The following MAST4 variants were observed in gnomAD, a reference collection of about 807,000 sequenced individuals.
MAST4 encodes microtubule associated serine/threonine kinase family member 4.
MAST4 carries 89 observed loss-of-function variants against 162.7 expected under a neutral mutation model. The ratio of observed to expected loss-of-function variants is 0.55; its 90% CI spans 0.46 to 0.65. The LOEUF (loss-of-function observed/expected upper bound fraction) is 0.65, where lower values mean the gene tolerates loss of function less well. Among genes scored for constraint, MAST4 ranks in the 30% least tolerant of loss-of-function variants. The pLI is 0.00. For synonymous variants in MAST4, 1,479 were observed against 1,361.1 expected, an observed-to-expected ratio of 1.09 and a Z score of -1.91; for missense variants, 3,153 against 3,374.0, an observed-to-expected ratio of 0.93 and a Z score of 1.62.
intron 3 of MAST4, among the ~76,000 whole-genome samples, chr5:66,813,227 G>T (rs948668755): frequency 7.2e-5 from 11 of 152,190 alleles, no homozygotes; most frequent in Admixed American, 7.2e-4. Flanking sequence ...TGAAAAAATT[G>T]TGTTTGGGAT....
At chr5:66,656,813 A>G (rs1746580356) in intron 1 of MAST4, among the ~76,000 whole-genome samples, 1 of 152,224 alleles carries the variant, frequency 6.6e-6, no homozygotes, top group Admixed American at 6.5e-5. Flanking sequence ...TTTATAAATT[A>G]CTAAGTGAAA....
rs749371280 is a variant in MAST4 at position 67,095,618 on chromosome 5, G to A, written c.855G>A (p.Ser285=). The A allele has an allele frequency of 6.0e-5, 97 of 1,609,128 alleles. No homozygotes were observed. The highest frequency in any genetic ancestry group is 7.8e-5 in the Non-Finnish European group (92 of 1,177,388). The change falls in exon 7 of 29, where the codon TCG becomes TCA. Residue 285 remains serine, a synonymous_variant. Transcript: ENST00000403625. ...ATAGGACTGATGGACGCCGCTGGTCGTTGGCTTCTCTCCCTTCCTCTGGCT... is the reference window on the plus strand; with the variant it reads ...ATAGGACTGATGGACGCCGCTGGTCATTGGCTTCTCTCCCTTCCTCTGGCT... ...FARRTDGRRW[S]LASLPSSGYG...
intron 24 of MAST4, among the ~76,000 whole-genome samples, chr5:67,151,821 G>A (rs1338947380): frequency 7.3e-6 from 1 of 137,814 alleles, no homozygotes; most frequent in African/African-American, 2.8e-5. Flanking sequence ...AGGCTGGAGT[G>A]CCATGGCACA....
chr5:67,074,683 C>A (rs74910827), intron 5 of MAST4, among the ~76,000 whole-genome samples: 4,734 of 152,138 alleles, frequency 0.031, 158 homozygotes, highest in East Asian at 0.17. Flanking sequence ...TTATAAAGAG[C>A]AGGACACAAA....
intron 1 of MAST4, among the ~76,000 whole-genome samples, chr5:66,605,060 A>G (rs1742793337): frequency 6.6e-6 from 1 of 152,256 alleles, no homozygotes; most frequent in Admixed American, 6.5e-5. Flanking sequence ...CTAATTTCAC[A>G]AATTAGTTTA....
In MAST4 at chr5:66,596,647, G is replaced by A. The variant is rs1490843485; in HGVS notation, c.-9G>A. Reference sequence around the variant, plus strand: ...GCCGCTCGGGAGGCACTTTGGGCCAGACAGGGAAATGGGGGAGAAAGTTTC... The same window carrying A: ...GCCGCTCGGGAGGCACTTTGGGCCAAACAGGGAAATGGGGGAGAAAGTTTC... On this transcript the variant is annotated 5_prime_UTR_variant, in exon 1 of 29. Transcript: ENST00000403625. The A allele has an allele frequency of 3.5e-6, 5 of 1,446,734 alleles. No homozygotes were observed. The highest frequency in any genetic ancestry group is 4.5e-6 in the Non-Finnish European group (5 of 1,103,818). 89.6% of individuals were successfully genotyped at this position (1,446,734 alleles called of 1,614,324 possible). A position where few individuals can be genotyped will look rare whatever the true frequency, so the allele number is the denominator to read the frequency against.
chr5:67,165,128 C>G lies in MAST4; in HGVS notation c.5949C>G (p.Ser1983Arg). The stretch of plus-strand genomic sequence containing the variant: ...AAAGAGGCCCTCCCACAGCCAGAAG[C>G]GAGCGCTCTGCTGCGAGGGCTGACA... ...SSERGPPTAR[S>R]ERSAARADTC... The change falls in exon 29 of 29, where the codon AGC becomes AGG. Residue 1983 changes from serine to arginine, a missense_variant. Ser to Arg is a moderately radical substitution (Grantham distance 110). Coordinates refer to ENST00000403625, the MANE Select transcript of MAST4 (RefSeq NM_001164664.2). 6.3e-7 allele frequency: 1 copy of G among 1,588,498 alleles called. No individual in the cohort carries two copies. Among genetic ancestry groups the G allele is most frequent in the South Asian group, 1.1e-5 (1 of 87,860 alleles).
intron 1 of MAST4, among the ~76,000 whole-genome samples, chr5:66,719,348 A>G (rs1472705860): frequency 6.6e-6 from 1 of 152,184 alleles, no homozygotes; most frequent in Non-Finnish European, 1.5e-5. Flanking sequence ...AATCACAGAG[A>G]AACAGGGCAG....
intron 4 of MAST4, among the ~76,000 whole-genome samples, chr5:66,909,955 T>G (rs1300918146): frequency 2.6e-5 from 4 of 152,226 alleles, no homozygotes; most frequent in African/African-American, 4.8e-5. Context: ...TTGCCGTGAT[T>G]GTTGGGACTC....
chr5:66,705,862 G>T (rs569948209), intron 1 of MAST4, among the ~76,000 whole-genome samples: 2 of 152,278 alleles, frequency 1.3e-5, no homozygotes, highest in South Asian at 4.1e-4. Flanking sequence ...TTGATGGTAT[G>T]TATGTTATTT....
chr5:66,619,654 A>G (rs1302538796), intron 1 of MAST4, among the ~76,000 whole-genome samples: 1 of 151,736 alleles, frequency 6.6e-6, no homozygotes. Context: ...GTCTCAGAAG[A>G]CTCCATTCTG....
chr5:67,115,327 C>T (rs1309344372), intron 12 of MAST4, among the ~76,000 whole-genome samples: 1 of 152,196 alleles, frequency 6.6e-6, no homozygotes, highest in East Asian at 1.9e-4. Context: ...CAGTGTTTAT[C>T]TTGTTAAATT....
At chr5:66,749,529 T>A (rs13362520) in intron 1 of MAST4, among the ~76,000 whole-genome samples, 4 of 152,232 alleles carry the variant, frequency 2.6e-5, no homozygotes, top group African/African-American at 4.8e-5. Context: ...AAGAGTTTAA[T>A]TTCCTTGTGA....
intron 3 of MAST4, among the ~76,000 whole-genome samples, chr5:66,834,819 C>A (rs975923004): frequency 2.0e-5 from 3 of 152,204 alleles, no homozygotes; most frequent in African/African-American, 7.2e-5. Context: ...ATTTTAGTAT[C>A]TGAAGCACAT....
At chr5:66,980,685 T>C (rs42325) in intron 4 of MAST4, among the ~76,000 whole-genome samples, 72,387 of 152,096 alleles carry the variant, frequency 0.48, 17,855 homozygotes, top group East Asian at 0.81. Context: ...AGAATATTGC[T>C]TTCCAGCAAT....
intron 3 of MAST4, among the ~76,000 whole-genome samples, chr5:66,865,026 G>C (rs1288993128): frequency 6.6e-6 from 1 of 152,198 alleles, no homozygotes; most frequent in Non-Finnish European, 1.5e-5. Flanking sequence ...CCATGAAAGA[G>C]AGAACAGGAG....
chr5:66,600,840 GA>G (rs1371814525), intron 1 of MAST4, among the ~76,000 whole-genome samples: 8 of 152,148 alleles, frequency 5.3e-5, no homozygotes, highest in African/African-American at 1.4e-4. Context: ...ATTAGAACTT[GA>G]AACGTGCTGG....
At position 67,029,160 on chromosome 5, in the gene MAST4, G is replaced by T. The variant is rs913630692; in HGVS notation, c.675-25244G>T. ...AAAAAAAAAAAGTCATATACATAAA[G>T]ATTAATGAAGAGTGCCAAAGGTAAT... On this transcript the variant is annotated intron_variant, in intron 4 of 28. Coordinates refer to ENST00000403625, the MANE Select transcript of MAST4 (RefSeq NM_001164664.2). 2.0e-5 allele frequency among the ~76,000 whole-genome samples: 3 copies of T among 151,620 alleles called. No homozygotes were observed. The South Asian group carries it at 6.3e-4, about 32-fold the overall frequency.
intron 3 of MAST4, among the ~76,000 whole-genome samples, chr5:66,804,438 G>A (rs1051052051): frequency 2.6e-5 from 4 of 152,268 alleles, no homozygotes; most frequent in South Asian, 2.1e-4. Flanking sequence ...ATGTCTTCCC[G>A]TGGGACCCAG....
Sources: allele counts gnomAD v4.1 joint callset (sites outside exome capture counted in the v4.1 genomes callset), GRCh38; gene constraint gnomAD v4.1.1; transcripts MANE v1.5; gene names NCBI Gene and HGNC (gene_info 2026-07-23, HGNC 2026-07-21).